NUBPL: variants seen among roughly 807,000 people sequenced by gnomAD.
NUBPL encodes the protein NUBP iron-sulfur cluster assembly factor, mitochondrial.
NUBPL carries 31 observed loss-of-function variants against 45.7 expected under a neutral mutation model. The observed-to-expected ratio is 0.68, with a 90% confidence interval of 0.51 to 0.92. The LOEUF (loss-of-function observed/expected upper bound fraction) is 0.92, where lower values mean the gene tolerates loss of function less well. NUBPL is among the 40% of genes least tolerant of loss of function. The pLI is 0.00. For synonymous variants in NUBPL, 144 were observed against 140.9 expected, an observed-to-expected ratio of 1.02 and a Z score of -0.15; for missense variants, 401 against 398.7, an observed-to-expected ratio of 1.01 and a Z score of -0.05.
At chr14:31,836,202 A>T (rs2040278940) in intron 8 of NUBPL, among the ~76,000 whole-genome samples, 1 of 152,198 alleles carries the variant, frequency 6.6e-6, no homozygotes, top group South Asian at 2.1e-4. Context: ...CCAGTGATGG[A>T]TTGGAATACT....
At chr14:31,807,540 A>G (rs1209153109) in intron 7 of NUBPL, among the ~76,000 whole-genome samples, 2 of 152,174 alleles carry the variant, frequency 1.3e-5, no homozygotes, top group African/African-American at 4.8e-5. Context: ...TCAGATGAGT[A>G]GATTGCAAAA....
At chr14:31,577,363 AG>A (rs761472445) in intron 3 of NUBPL, among the ~76,000 whole-genome samples, 2 of 152,312 alleles carry the variant, frequency 1.3e-5, no homozygotes, top group Non-Finnish European at 2.9e-5. Context: ...TATTGATTGT[AG>A]GGTAGTTCTT....
chr14:31,744,265 T>TA (rs2038347744), intron 6 of NUBPL, among the ~76,000 whole-genome samples: 1 of 152,258 alleles, frequency 6.6e-6, no homozygotes, highest in South Asian at 2.1e-4. Context: ...TGTTAATAGA[T>TA]ATATCATGGA....
At chr14:31,779,261 C>T (rs2039150621) in intron 6 of NUBPL, among the ~76,000 whole-genome samples, 1 of 151,908 alleles carries the variant, frequency 6.6e-6, no homozygotes, top group Non-Finnish European at 1.5e-5. Flanking sequence ...TCTCTTGAAC[C>T]CGGGAGGCGG....
intron 7 of NUBPL, among the ~76,000 whole-genome samples, chr14:31,808,365 A>G (rs937390351): frequency 3.4e-4 from 52 of 152,020 alleles, no homozygotes; most frequent in Admixed American, 3.1e-3. Flanking sequence ...ATTCCTAGAT[A>G]TTTTATTCTC....
intron 8 of NUBPL, among the ~76,000 whole-genome samples, chr14:31,840,041 T>C (rs566201180): frequency 1.3e-5 from 2 of 152,298 alleles, no homozygotes; most frequent in South Asian, 4.1e-4. Context: ...GAAAATAGTA[T>C]GGAGGTTCCT....
chr14:31,764,741 G>C (rs1417060665), intron 6 of NUBPL, among the ~76,000 whole-genome samples: 2 of 152,110 alleles, frequency 1.3e-5, no homozygotes, highest in East Asian at 3.9e-4. Context: ...ATAAAATTTG[G>C]TCCATTCTCT....
At chr14:31,630,834 G>T (rs1039818409) in intron 4 of NUBPL, among the ~76,000 whole-genome samples, 3 of 152,120 alleles carry the variant, frequency 2.0e-5, no homozygotes, top group African/African-American at 7.2e-5. Flanking sequence ...TGCAATCTCT[G>T]GGAATTATAC....
At chr14:31,755,488 A>T (rs1397870928) in intron 6 of NUBPL, among the ~76,000 whole-genome samples, 1 of 152,136 alleles carries the variant, frequency 6.6e-6, no homozygotes. Flanking sequence ...TGGCTTCATA[A>T]ATGTCTTCTT....
At chr14:31,818,501 T>G (rs1412137776) in intron 7 of NUBPL, among the ~76,000 whole-genome samples, 1 of 152,232 alleles carries the variant, frequency 6.6e-6, no homozygotes, top group Admixed American at 6.5e-5. Context: ...ATAGCATTGT[T>G]TCCACTTATT....
chr14:31,658,617 A>G (rs1383901371), intron 4 of NUBPL, among the ~76,000 whole-genome samples: 1 of 151,350 alleles, frequency 6.6e-6, no homozygotes, highest in Non-Finnish European at 1.5e-5. Context: ...GGTTCAAGTG[A>G]TTCTCCCACC....
chr14:31,813,927 T>C (rs1031591798), intron 7 of NUBPL, among the ~76,000 whole-genome samples: 18 of 152,252 alleles, frequency 1.2e-4, no homozygotes, highest in African/African-American at 3.9e-4. Context: ...TCTTATCCAG[T>C]CCATCATTGA....
chr14:31,572,964 G>A (rs2033628113), intron 3 of NUBPL, among the ~76,000 whole-genome samples: 1 of 152,156 alleles, frequency 6.6e-6, no homozygotes, highest in Non-Finnish European at 1.5e-5. Context: ...TAGTATAAAA[G>A]ATACAAAATG....
At chr14:31,775,929 G>A (rs1206887178) in intron 6 of NUBPL, among the ~76,000 whole-genome samples, 1 of 152,146 alleles carries the variant, frequency 6.6e-6, no homozygotes, top group Non-Finnish European at 1.5e-5. Context: ...TGTTCTAGAT[G>A]GGGAGAGACA....
chr14:31,700,644 C>T (rs567894657), intron 6 of NUBPL, among the ~76,000 whole-genome samples: 6 of 149,028 alleles, frequency 4.0e-5, no homozygotes, highest in East Asian at 1.9e-4. Flanking sequence ...TTCGAGCGGC[C>T]GGCCAGTGCC....
At position 31,859,216 on chromosome 14, in the gene NUBPL, C is replaced by T. The variant is rs1434370807; in HGVS notation, c.*36C>T. ...GTCCTGGAAATTTGCCTGGTACTGA[C>T]ATTAAGAGGACCTTTGGAAATCAGC... On this transcript the variant is annotated 3_prime_UTR_variant, in exon 11 of 11. Transcript: ENST00000281081. 6.6e-7 allele frequency: 1 copy of T among 1,525,442 alleles called. No individual in the cohort carries two copies. Among genetic ancestry groups the T allele is most frequent in the South Asian group, 1.1e-5 (1 of 89,160 alleles). The allele number at this position is 1,525,442 out of a possible 1,614,324, so 94.5% of individuals were successfully genotyped here.
intron 7 of NUBPL, among the ~76,000 whole-genome samples, chr14:31,790,015 T>A (rs1249115740): frequency 6.6e-6 from 1 of 152,154 alleles, no homozygotes; most frequent in Non-Finnish European, 1.5e-5. Flanking sequence ...AATGTGCTTC[T>A]GATACCTTGG....
At chr14:31,706,826 CT>C (rs1473269147) in intron 6 of NUBPL, among the ~76,000 whole-genome samples, 4 of 152,134 alleles carry the variant, frequency 2.6e-5, no homozygotes, top group Non-Finnish European at 5.9e-5. Flanking sequence ...TTTAGTAAAC[CT>C]TACTTTAGTT....
intron 7 of NUBPL, among the ~76,000 whole-genome samples, chr14:31,810,688 A>G (rs544289388): frequency 6.6e-6 from 1 of 152,230 alleles, no homozygotes; most frequent in African/African-American, 2.4e-5. Context: ...TTTGTCCATT[A>G]GTTGATGCAG....
Sources: gnomAD v4.1 joint callset for allele counts (sites outside exome capture counted in the v4.1 genomes callset) on GRCh38, gnomAD v4.1.1 for gene constraint, MANE v1.5 for transcripts, NCBI Gene and HGNC (gene_info 2026-07-23, HGNC 2026-07-21) for gene names.